The following SNX24 variants were observed in gnomAD, a reference collection of about 807,000 sequenced individuals.
SNX24 encodes the protein sorting nexin 24.
A neutral mutation model predicts 28.7 loss-of-function variants in SNX24; 22 were observed. The ratio of observed to expected loss-of-function variants is 0.77; its 90% confidence interval spans 0.55 to 1.10. The LOEUF is 1.10. Ranked by LOEUF, SNX24 falls within the 50% of genes least tolerant of loss-of-function variation. The pLI is 0.00. For missense variants in SNX24, 221 were observed against 201.1 expected (o/e 1.10, Z -0.60); for synonymous variants, 69 against 71.5 (o/e 0.96, Z 0.18).
intron 1 of SNX24, among the ~76,000 whole-genome samples, chr5:122,863,488 G>A (rs1376131603): frequency 6.6e-6 from 1 of 151,968 alleles, no homozygotes; most frequent in Non-Finnish European, 1.5e-5. Flanking sequence ...CAGAGCATAG[G>A]TCTGGTAGGC....
intron 1 of SNX24, among the ~76,000 whole-genome samples, chr5:122,885,274 TTC>T (rs1475369015): frequency 4.6e-5 from 7 of 152,126 alleles, no homozygotes; most frequent in African/African-American, 1.7e-4. Context: ...CCCAAGCTCA[TTC>T]TCTGTGTTCC....
At chr5:122,886,448 G>A (rs1373363246) in intron 1 of SNX24, among the ~76,000 whole-genome samples, 1 of 152,084 alleles carries the variant, frequency 6.6e-6, no homozygotes, top group Non-Finnish European at 1.5e-5. Flanking sequence ...CACTCTGGAA[G>A]CGATACATTT....
At chr5:122,938,691 AGCACTTTGGGAGGCCGAGGCGGGCGG>A in intron 2 of SNX24, among the ~76,000 whole-genome samples, 1 of 9,910 alleles carries the variant, frequency 1.0e-4, no homozygotes, top group African/African-American at 2.0e-3. Flanking sequence ...CTGTAATCCC[AGCACTTTGGGAGGCCGAGGCGGGCGG>A]ATCACGAGGT....
intron 3 of SNX24, among the ~76,000 whole-genome samples, chr5:122,984,414 A>G (rs1190645409): frequency 6.6e-6 from 1 of 152,178 alleles, no homozygotes; most frequent in Non-Finnish European, 1.5e-5. Flanking sequence ...AGAAGCTCCT[A>G]AAAAATGAGA....
intron 2 of SNX24, among the ~76,000 whole-genome samples, chr5:122,940,318 C>T (rs1213480170): frequency 6.6e-6 from 1 of 152,020 alleles, no homozygotes; most frequent in Non-Finnish European, 1.5e-5. Context: ...CTATTCCTAC[C>T]ATCCCAGTCC....
intron 1 of SNX24, among the ~76,000 whole-genome samples, chr5:122,857,301 C>T (rs1042672521): frequency 3.3e-5 from 5 of 152,240 alleles, no homozygotes; most frequent in East Asian, 3.9e-4. Context: ...CAGGAGCCAC[C>T]GTGCCTGGCC....
chr5:122,902,375 A>T (rs1419217725), intron 1 of SNX24, among the ~76,000 whole-genome samples: 2 of 152,206 alleles, frequency 1.3e-5, no homozygotes, highest in African/African-American at 4.8e-5. Flanking sequence ...GGAGACATGG[A>T]GTTTTATTGT....
intron 1 of SNX24, among the ~76,000 whole-genome samples, chr5:122,891,458 T>TA (rs1378141092): frequency 6.6e-6 from 1 of 152,216 alleles, no homozygotes; most frequent in Non-Finnish European, 1.5e-5. Context: ...TTTATTGAGG[T>TA]AAAATGGGGG....
intron 1 of SNX24, among the ~76,000 whole-genome samples, chr5:122,893,068 G>A (rs538424): frequency 0.78 from 118,123 of 151,962 alleles, 46,936 homozygotes; most frequent in East Asian, 0.99. Context: ...ACTCGGCCCC[G>A]TTTCCTCTAA....
chr5:122,951,205 T>TGCA (rs1254459541), intron 3 of SNX24, among the ~76,000 whole-genome samples: 5 of 147,204 alleles, frequency 3.4e-5, no homozygotes, highest in Non-Finnish European at 7.4e-5. Flanking sequence ...AGATGGAAGT[T>TGCA]GCAGTGAGCT....
intron 2 of SNX24, among the ~76,000 whole-genome samples, chr5:122,943,796 G>A (rs1291384071): frequency 6.6e-6 from 1 of 152,076 alleles, no homozygotes; most frequent in African/African-American, 2.4e-5. Flanking sequence ...TCAAGAGGAG[G>A]GGATCATACA....
chr5:123,007,060 G>A (rs1202059302), intron 6 of SNX24, among the ~76,000 whole-genome samples: 1 of 152,134 alleles, frequency 6.6e-6, no homozygotes, highest in Non-Finnish European at 1.5e-5. Context: ...TGTAATGACT[G>A]GAATGTGCTG....
chr5:122,849,941 G>A (rs1440261266), intron 1 of SNX24, among the ~76,000 whole-genome samples: 2 of 152,260 alleles, frequency 1.3e-5, no homozygotes, highest in East Asian at 3.9e-4. Flanking sequence ...TTAGGTGGAG[G>A]GTTGTGCTGC....
intron 1 of SNX24, among the ~76,000 whole-genome samples, chr5:122,879,718 A>T (rs996249124): frequency 2.0e-5 from 3 of 152,216 alleles, no homozygotes; most frequent in African/African-American, 7.2e-5. Context: ...ACAGGGTCTC[A>T]CTATGTTGTC....
intron 1 of SNX24, among the ~76,000 whole-genome samples, chr5:122,887,683 C>A (rs756484641): frequency 1.3e-5 from 2 of 152,232 alleles, no homozygotes; most frequent in Non-Finnish European, 2.9e-5. Context: ...TTTAACTGAA[C>A]CAGAGTTCTT....
At position 123,001,936 on chromosome 5, in the gene SNX24, C is replaced by T; in HGVS notation, c.378-4C>T. On this transcript the variant is annotated splice_polypyrimidine_tract_variant and splice_region_variant and intron_variant, in intron 5 of 6. Coordinates refer to ENST00000261369, the MANE Select transcript of SNX24 (RefSeq NM_014035.4). ...GCTGACATGCCTGTTCTTGACCTTT[C>T]CAGCAAACTGTCCCACCAGCCTGTG... The T allele has an allele frequency of 1.2e-6, 2 of 1,613,964 alleles. No homozygotes were observed. The highest frequency in any genetic ancestry group is 1.7e-6 in the Non-Finnish European group (2 of 1,179,804).
At chr5:122,891,082 T>C (rs886721324) in intron 1 of SNX24, 21 of 1,534,874 alleles carry the variant, frequency 1.4e-5, no homozygotes, top group African/African-American at 6.9e-5. Context: ...TATGAAGTTA[T>C]TGTTCTGGAA....
chr5:123,007,712 T>G lies in SNX24; in HGVS notation c.473T>G (p.Leu158Arg). The change falls in exon 7 of 7, where the codon CTC becomes CGC. Residue 158 changes from leucine (L) to arginine (R), a missense_variant. Coordinates refer to ENST00000261369, the MANE Select transcript of SNX24 (RefSeq NM_014035.4). Reference sequence around the variant, plus strand: ...CCAAATGTGGTTATTGAAGGAGTCCTCCATGGGATATTTTACCCTCATCTA... The same window carrying G: ...CCAAATGTGGTTATTGAAGGAGTCCGCCATGGGATATTTTACCCTCATCTA... ...DFPNVVIEGV[L>R]HGIFYPHLQP... 6.3e-7 allele frequency: 1 copy of G among 1,597,248 alleles called. No homozygotes were observed.
intron 1 of SNX24, among the ~76,000 whole-genome samples, chr5:122,909,306 T>A (rs1025577265): frequency 9.9e-5 from 15 of 152,232 alleles, no homozygotes; most frequent in African/African-American, 2.9e-4. Flanking sequence ...TATTGCTTAA[T>A]CTGTGCCAGG....
Sources: gnomAD v4.1 joint callset for allele counts (sites outside exome capture counted in the v4.1 genomes callset) on GRCh38, gnomAD v4.1.1 for gene constraint, MANE v1.5 for transcripts, NCBI Gene and HGNC (gene_info 2026-07-23, HGNC 2026-07-21) for gene names.